RPS6KC1: variants seen among roughly 807,000 people sequenced by gnomAD.
RPS6KC1 encodes ribosomal protein S6 kinase C1.
RPS6KC1 carries 54 observed loss-of-function variants against 103.8 expected under a neutral mutation model. The ratio of observed to expected loss-of-function variants is 0.52; its 90% CI spans 0.42 to 0.65. The LOEUF (loss-of-function observed/expected upper bound fraction) is 0.65. RPS6KC1 is among the 30% of genes least tolerant of loss of function. RPS6KC1 has a pLI of 0.00. For missense variants in RPS6KC1, 1,151 were observed against 1,253.8 expected (o/e 0.92, Z 1.24); for synonymous variants, 439 against 438.7 (o/e 1.00, Z -0.01).
the RPS6KC1 span, among the ~76,000 whole-genome samples, chr1:213,642,127 G>A: frequency 1.0e-3 from 157 of 152,250 alleles, no homozygotes; most frequent in Middle Eastern, 6.8e-3. Context: ...TTCCTACCCA[G>A]CACAGTGCTC....
the RPS6KC1 span, among the ~76,000 whole-genome samples, chr1:213,677,310 G>C: frequency 6.6e-6 from 1 of 152,158 alleles, no homozygotes; most frequent in Admixed American, 6.5e-5. Flanking sequence ...TAGTCCACAA[G>C]AGGTCTAGTC....
chr1:213,651,120 T>A, the RPS6KC1 span, among the ~76,000 whole-genome samples: 1 of 151,630 alleles, frequency 6.6e-6, no homozygotes, highest in Non-Finnish European at 1.5e-5. Flanking sequence ...ACCCCCAGAA[T>A]GGGGAGCCCT....
chr1:213,767,145 A>G, the RPS6KC1 span, among the ~76,000 whole-genome samples: 6 of 152,196 alleles, frequency 3.9e-5, no homozygotes, highest in Admixed American at 6.5e-5. Flanking sequence ...AGCTTTATGT[A>G]TCACTTCCCG....
the RPS6KC1 span, among the ~76,000 whole-genome samples, chr1:213,760,080 G>A: frequency 3.3e-5 from 5 of 152,136 alleles, no homozygotes; most frequent in Admixed American, 2.0e-4. Context: ...CGGTGGGGCC[G>A]CCAGGCACCA....
At chr1:213,784,008 A>G in the RPS6KC1 span, among the ~76,000 whole-genome samples, 1 of 152,122 alleles carries the variant, frequency 6.6e-6, no homozygotes, top group East Asian at 1.9e-4. Flanking sequence ...ACCTCAAGCC[A>G]CAACAAGGCT....
the RPS6KC1 span, among the ~76,000 whole-genome samples, chr1:213,568,369 T>G: frequency 6.6e-6 from 1 of 152,186 alleles, no homozygotes; most frequent in Non-Finnish European, 1.5e-5. Flanking sequence ...TATCCTCTGG[T>G]TTCCAGATTT....
chr1:213,832,230 G>A, the RPS6KC1 span, among the ~76,000 whole-genome samples: 3 of 152,110 alleles, frequency 2.0e-5, no homozygotes, highest in Non-Finnish European at 4.4e-5. Context: ...TTAACCTTAG[G>A]GGGAAGAAGC....
At chr1:213,253,751 C>T (rs537429711) in intron 12 of RPS6KC1, among the ~76,000 whole-genome samples, 1 of 152,292 alleles carries the variant, frequency 6.6e-6, no homozygotes, top group African/African-American at 2.4e-5. Context: ...TTTCAGACTT[C>T]CTCAAGTCTG....
chr1:213,350,834 CAT>C, the RPS6KC1 span, among the ~76,000 whole-genome samples: 3 of 151,912 alleles, frequency 2.0e-5, no homozygotes, highest in Non-Finnish European at 4.4e-5. Flanking sequence ...AAATTGGTAT[CAT>C]ATATATGTAT....
chr1:213,092,648 G>T (rs1408754366), intron 3 of RPS6KC1, among the ~76,000 whole-genome samples: 1 of 150,590 alleles, frequency 6.6e-6, no homozygotes, highest in Non-Finnish European at 1.5e-5. Flanking sequence ...CTCCAGCCTG[G>T]GTGACAGAGC....
At chr1:213,746,402 G>A in the RPS6KC1 span, among the ~76,000 whole-genome samples, 3 of 152,204 alleles carry the variant, frequency 2.0e-5, no homozygotes, top group African/African-American at 4.8e-5. Flanking sequence ...CACCTGGGGT[G>A]TCTGGTGGAC....
the RPS6KC1 span, among the ~76,000 whole-genome samples, chr1:213,771,008 G>A: frequency 1.3e-5 from 2 of 152,266 alleles, no homozygotes; most frequent in South Asian, 4.1e-4. Context: ...CCGGCCAGGG[G>A]CTTTGTCCAG....
At chr1:213,520,181 A>G in the RPS6KC1 span, among the ~76,000 whole-genome samples, 3 of 152,110 alleles carry the variant, frequency 2.0e-5, no homozygotes, top group African/African-American at 7.2e-5. Context: ...GACATGTCTG[A>G]GACTGGGTTT....
chr1:213,846,603 G>A, the RPS6KC1 span, among the ~76,000 whole-genome samples: 14 of 152,100 alleles, frequency 9.2e-5, no homozygotes, highest in Admixed American at 5.9e-4. Context: ...ATATAGTAAA[G>A]GTGCTCTTTT....
the RPS6KC1 span, among the ~76,000 whole-genome samples, chr1:213,444,638 T>A: frequency 6.6e-6 from 1 of 151,200 alleles, no homozygotes; most frequent in Admixed American, 6.6e-5. Context: ...GCACCTGTAA[T>A]TCCAGCTACT....
chr1:213,121,717 A>G (rs978820513), intron 5 of RPS6KC1, among the ~76,000 whole-genome samples: 3 of 152,138 alleles, frequency 2.0e-5, no homozygotes, highest in Non-Finnish European at 4.4e-5. Flanking sequence ...GTATAGTCTC[A>G]TCTGGTAACC....
At chr1:213,296,141 A>G in the RPS6KC1 span, among the ~76,000 whole-genome samples, 7 of 152,184 alleles carry the variant, frequency 4.6e-5, no homozygotes, top group Admixed American at 3.3e-4. Flanking sequence ...CTGAAGTTCT[A>G]AATTGTTTTT....
the RPS6KC1 span, among the ~76,000 whole-genome samples, chr1:213,379,431 T>C: frequency 2.6e-5 from 4 of 152,138 alleles, no homozygotes; most frequent in African/African-American, 9.7e-5. Flanking sequence ...GTGATGTGAC[T>C]ACAAGCCAAG....
At chr1:213,306,871 G>C in the RPS6KC1 span, among the ~76,000 whole-genome samples, 1 of 152,148 alleles carries the variant, frequency 6.6e-6, no homozygotes. Flanking sequence ...TCACTTAGCA[G>C]CATCTGTCGT....
Sources: gnomAD v4.1 joint callset for allele counts (sites outside exome capture counted in the v4.1 genomes callset) on GRCh38, gnomAD v4.1.1 for gene constraint, MANE v1.5 for transcripts, NCBI Gene and HGNC (gene_info 2026-07-23, HGNC 2026-07-21) for gene names.